CRYBG3: variants seen among roughly 807,000 people sequenced by gnomAD.
CRYBG3 encodes crystallin beta-gamma domain containing 3, also known as very large A-kinase anchor protein.
In CRYBG3, 127 loss-of-function variants were observed where a neutral mutation model predicts 244.2. That is an observed-to-expected ratio of 0.52 (90% CI 0.45 to 0.60). The LOEUF is 0.60. CRYBG3 is among the 20% of genes least tolerant of loss of function. The pLI is 0.00. For missense variants in CRYBG3, 3,325 were observed against 3,442.5 expected (o/e 0.97, Z 0.85); for synonymous variants, 1,132 against 1,195.8 (o/e 0.95, Z 1.10).
Position 97,943,208 on chromosome 3 carries a change from T to C in CRYBG3, c.8825-18T>C, listed in dbSNP as rs768110994. On this transcript the variant is annotated intron_variant, in intron 21 of 21. Coordinates refer to ENST00000389622, the MANE Select transcript of CRYBG3 (RefSeq NM_153605.4). ...CTGCCTGAACAAATAATCTTTTCTT[T>C]TGGAATTTCTATTTTAGGAGGAAAT... 2.1e-5 allele frequency: 30 copies of C among 1,426,686 alleles called. 1 individual carries two copies. The highest frequency in any genetic ancestry group is 2.7e-5 in the Non-Finnish European group (28 of 1,019,846). 88.4% of individuals were successfully genotyped at this position (1,426,686 alleles called of 1,614,324 possible).
chr3:97,898,809 T>C (rs1289210291), intron 12 of CRYBG3, 74 bp from the exon 13 acceptor site: 8 of 1,060,878 alleles, frequency 7.5e-6, no homozygotes, highest in African/African-American at 3.2e-5. Flanking sequence ...CAGTATGTGA[T>C]ATTTTGCTAG....
chr3:97,854,022 C>T (rs2039027191), intron 2 of CRYBG3, among the ~76,000 whole-genome samples: 1 of 152,088 alleles, frequency 6.6e-6, no homozygotes, highest in South Asian at 2.1e-4. Flanking sequence ...GATGAGGATC[C>T]AGTTTCATTC....
At chr3:97,865,804 A>T (rs890764337) in intron 3 of CRYBG3, among the ~76,000 whole-genome samples, 11 of 152,242 alleles carry the variant, frequency 7.2e-5, no homozygotes, top group African/African-American at 2.7e-4. Context: ...GTTAAATTGT[A>T]CATTTTTATT....
chr3:97,923,605 A>C (rs549683898), intron 17 of CRYBG3, among the ~76,000 whole-genome samples: 1 of 152,226 alleles, frequency 6.6e-6, no homozygotes, highest in East Asian at 1.9e-4. Flanking sequence ...AATAAGATTA[A>C]AACAAAAAAG....
intron 19 of CRYBG3, among the ~76,000 whole-genome samples, chr3:97,937,455 T>G (rs943939072): frequency 3.9e-5 from 6 of 152,086 alleles, no homozygotes. Context: ...ACTAAGACTT[T>G]TAACATGGGC....
intron 1 of CRYBG3, among the ~76,000 whole-genome samples, chr3:97,825,717 T>C (rs779961875): frequency 2.0e-5 from 3 of 152,158 alleles, no homozygotes; most frequent in Non-Finnish European, 2.9e-5. Flanking sequence ...GGGAGAGTGA[T>C]ACCACTCCCA....
rs143623948 is a variant in CRYBG3 at position 97,875,409 on chromosome 3, A to G, written c.4215A>G (p.Leu1405=). 1,052 of 1,409,232 alleles carry G rather than the reference A, an allele frequency of 7.5e-4. 8 individuals carry two copies. The Middle Eastern group carries it at 0.012, about 16-fold the overall frequency. 87.3% of individuals were successfully genotyped at this position (1,409,232 alleles called of 1,614,324 possible). The stretch of plus-strand genomic sequence containing the variant: ...AAATTGTTCTCTACCAAAAATCCCT[A>G]TTTTCTGGAAATGGATCTGGACTGT... ...GGEIVLYQKS[L]FSGNGSGLSD... Residue 1405 remains leucine, a synonymous_variant, in exon 4 of 22, where the codon CTA becomes CTG. Transcript: ENST00000389622.
chr3:97,914,707 G>A (rs2039908619), intron 16 of CRYBG3, among the ~76,000 whole-genome samples: 1 of 152,088 alleles, frequency 6.6e-6, no homozygotes, highest in South Asian at 2.1e-4. Flanking sequence ...CTTTATGCCT[G>A]GCACACTAGA....
At chr3:97,910,103 G>A (rs373877170) in intron 15 of CRYBG3, among the ~76,000 whole-genome samples, 31 of 151,692 alleles carry the variant, frequency 2.0e-4, no homozygotes, top group African/African-American at 2.7e-4. Flanking sequence ...CAGTCTGCCC[G>A]TTCTCAGATC....
chr3:97,899,048 C>T lies in CRYBG3; in HGVS notation c.7844+23C>T, dbSNP rs753948152. On this transcript the variant is annotated intron_variant, in intron 13 of 21. Transcript: ENST00000389622. ...AGTGTAAGTTGCCTCCTCTAAGAAC[C>T]TTGAGAGTCTTTGGTGTTTAAGATT... 3 of 1,603,480 alleles carry T rather than the reference C, an allele frequency of 1.9e-6. No individual in the cohort carries two copies. In the South Asian group the frequency reaches 3.4e-5, roughly 18 times the overall value.
At chr3:97,864,784 A>G (rs192885035) in intron 3 of CRYBG3, 137 bp downstream of exon 3, 279 of 639,768 alleles carry the variant, frequency 4.4e-4, no homozygotes, top group Non-Finnish European at 6.0e-4. Context: ...AAGAAATTGT[A>G]TGATTCTCTG....
At chr3:97,865,699 A>G (rs1232222864) in intron 3 of CRYBG3, among the ~76,000 whole-genome samples, 1 of 152,208 alleles carries the variant, frequency 6.6e-6, no homozygotes, top group East Asian at 1.9e-4. Context: ...TCTTATATGT[A>G]ATTTGAACCC....
intron 2 of CRYBG3, among the ~76,000 whole-genome samples, chr3:97,858,207 T>G (rs1454766710): frequency 1.3e-5 from 2 of 151,360 alleles, no homozygotes; most frequent in Admixed American, 6.6e-5. Flanking sequence ...TATATCAGTC[T>G]ATTCTTTTCT....
At position 97,942,277 on chromosome 3, in the gene CRYBG3, CT is replaced by C; in HGVS notation, c.8665-3del. 2 of 1,600,850 alleles carry C rather than the reference CT, an allele frequency of 1.2e-6. No individual in the cohort carries two copies. The highest frequency in any genetic ancestry group is 1.1e-5 in the South Asian group (1 of 88,882). On this transcript the variant is annotated splice_region_variant and splice_polypyrimidine_tract_variant and intron_variant, in intron 20 of 21. Transcript: ENST00000389622. ...ACTGCCAATTAATCATTTCTTAACCCTTTTAGGCCAGTGATACATGTCTTGA... is the reference window on the plus strand; with the variant it reads ...ACTGCCAATTAATCATTTCTTAACCCTTTAGGCCAGTGATACATGTCTTGA...
rs1448797758 is a variant in CRYBG3 at position 97,872,609 on chromosome 3, G to A, written c.1415G>A (p.Ser472Asn). The part of the protein sequence containing the change: ...IRHEHLQLPE[S>N]ECSDKQTIDS... ...CATGAACATCTGCAGTTGCCAGAGA[G>A]TGAGTGTTCTGACAAGCAAACCATA... Residue 472 changes from serine to asparagine, a missense_variant, in exon 4 of 22, where the codon AGT (serine) becomes AAT (asparagine). Physicochemically the swap from Ser to Asn is conservative, Grantham distance 46. Coordinates refer to ENST00000389622, the MANE Select transcript of CRYBG3 (RefSeq NM_153605.4). 7 of 1,535,804 alleles carry A rather than the reference G, an allele frequency of 4.6e-6. No individual in the cohort carries two copies. The East Asian group carries it at 1.7e-4, about 38-fold the overall frequency.
chr3:97,889,005 A>G (rs2108230548), intron 9 of CRYBG3, among the ~76,000 whole-genome samples: 1 of 152,322 alleles, frequency 6.6e-6, no homozygotes, highest in African/African-American at 2.4e-5. Flanking sequence ...TAAGTTTACT[A>G]GCAATACCAC....
Position 97,876,454 on chromosome 3 carries a change from G to A in CRYBG3, c.5260G>A (p.Glu1754Lys), listed in dbSNP as rs569798970. The stretch of plus-strand genomic sequence containing the variant: ...TACTGAAAGAGACGGTGGCAAAACT[G>A]AGGTGATGCCCCTTGCATTAGAGGT... The part of the protein sequence containing the change: ...KDTERDGGKT[E>K]VMPLALEVVN... Residue 1754 changes from glutamate (E) to lysine (K), a missense_variant, in exon 4 of 22, where the codon GAG becomes AAG. Glu to Lys is a moderately conservative substitution (Grantham distance 56). Around this residue, in one of 4 missense-constraint regions of CRYBG3, gnomAD observed 635 missense variants for 771.7 expected, o/e 0.82. Transcript: ENST00000389622. 159 of 1,232,116 alleles carry A rather than the reference G, an allele frequency of 1.3e-4. No individual in the cohort carries two copies. In the African/African-American group the frequency reaches 2.3e-3, roughly 18 times the overall value. 76.3% of individuals were successfully genotyped at this position (1,232,116 alleles called of 1,614,324 possible). A position where few individuals can be genotyped will look rare whatever the true frequency, so the allele number is the denominator to read the frequency against.
At chr3:97,833,584 G>A (rs558728850) in intron 1 of CRYBG3, among the ~76,000 whole-genome samples, 11 of 152,198 alleles carry the variant, frequency 7.2e-5, no homozygotes, top group South Asian at 2.1e-4. Flanking sequence ...GGGGTGTCTA[G>A]GGGAGGGATA....
At chr3:97,933,921 T>C in intron 18 of CRYBG3, 88 bp downstream of exon 18, 2 of 1,121,812 alleles carry the variant, frequency 1.8e-6, no homozygotes, top group Admixed American at 2.0e-5. Context: ...TGTGTAGTAG[T>C]ACGCATTCAA....
Sources: gnomAD v4.1 joint callset for allele counts (sites outside exome capture counted in the v4.1 genomes callset) on GRCh38, gnomAD v4.1.1 for gene constraint, gnomAD v4.1.1 regional missense constraint, MANE v1.5 for transcripts, NCBI Gene and HGNC (gene_info 2026-07-23, HGNC 2026-07-21) for gene names.